Variants in GMPR observed in about 807,000 individuals in gnomAD.
GMPR encodes GMP reductase 1.
GMPR carries 31 observed loss-of-function variants against 38.4 expected under a neutral mutation model. The observed-to-expected ratio is 0.81, with a 90% CI of 0.61 to 1.09. GMPR has a LOEUF of 1.09. Ranked by LOEUF, GMPR falls within the 50% of genes least tolerant of loss-of-function variation. The pLI is 0.00. For synonymous variants in GMPR, 162 were observed against 173.3 expected, an observed-to-expected ratio of 0.93 and a Z score of 0.51; for missense variants, 468 against 453.7, an observed-to-expected ratio of 1.03 and a Z score of -0.29.
rs564026252 is a variant in GMPR, at chr6:16,290,565, C to A, written c.801C>A (p.Tyr267Ter). ...ACGGACGGAAGCTCAAGCTCTTCTA[C>A]GGGATGAGCTCTGACACCGCCATGA... ...ERNGRKLKLF[Y>*]GMSSDTAMNK... Residue 267 changes from tyrosine to a stop codon, truncating the protein, a stop_gained, in exon 8 of 9, where the codon TAC becomes TAA. Transcript: ENST00000259727. LOFTEE classifies it high-confidence loss of function. 1.2e-6 allele frequency: 2 copies of A among 1,613,798 alleles called. No homozygotes were observed. The highest frequency in any genetic ancestry group is 1.7e-6 in the Non-Finnish European group (2 of 1,179,828).
chr6:16,259,768 G>A (rs1193425504), intron 4 of GMPR, among the ~76,000 whole-genome samples: 1 of 152,154 alleles, frequency 6.6e-6, no homozygotes, highest in Non-Finnish European at 1.5e-5. Flanking sequence ...GAGGACCTAG[G>A]ACATCTAATT....
intron 7 of GMPR, among the ~76,000 whole-genome samples, chr6:16,286,397 C>T (rs1269452091): frequency 6.6e-6 from 1 of 151,770 alleles, no homozygotes; most frequent in Non-Finnish European, 1.5e-5. Context: ...GTACGGCTGC[C>T]GAGCCATGTG....
chr6:16,292,358 GACTT>G (rs750240333), intron 8 of GMPR, among the ~76,000 whole-genome samples: 4 of 152,120 alleles, frequency 2.6e-5, no homozygotes, highest in East Asian at 1.9e-4. Context: ...GGTTCTAGCG[GACTT>G]ACTTCAGTTC....
intron 3 of GMPR, among the ~76,000 whole-genome samples, chr6:16,252,523 C>T (rs1165949617): frequency 6.6e-6 from 1 of 152,194 alleles, no homozygotes; most frequent in Admixed American, 6.5e-5. Context: ...TAGGCATGAG[C>T]CACCATGCCC....
At chr6:16,256,832 C>T (rs778420351) in intron 4 of GMPR, among the ~76,000 whole-genome samples, 13 of 152,180 alleles carry the variant, frequency 8.5e-5, no homozygotes, top group Non-Finnish European at 1.6e-4. Context: ...GCTTCTAGAA[C>T]CTTTGTAATT....
At chr6:16,291,628 G>A (rs1392891556) in intron 8 of GMPR, among the ~76,000 whole-genome samples, 1 of 152,106 alleles carries the variant, frequency 6.6e-6, no homozygotes, top group African/African-American at 2.4e-5. Context: ...CCTGATGATG[G>A]GGCCAGGCAC....
intron 6 of GMPR, among the ~76,000 whole-genome samples, chr6:16,282,924 T>G (rs748767582): frequency 9.9e-5 from 15 of 152,058 alleles, no homozygotes; most frequent in Non-Finnish European, 1.9e-4. Flanking sequence ...TAGTCCTGCC[T>G]CAGCCTCCCG....
At chr6:16,266,222 G>A (rs955418021) in intron 4 of GMPR, among the ~76,000 whole-genome samples, 2 of 150,548 alleles carry the variant, frequency 1.3e-5, no homozygotes, top group Non-Finnish European at 3.0e-5. Flanking sequence ...GAAGAATGAA[G>A]AACGCCGCGC....
At chr6:16,244,043 A>G (rs1758708958) in intron 1 of GMPR, among the ~76,000 whole-genome samples, 1 of 151,040 alleles carries the variant, frequency 6.6e-6, no homozygotes, top group South Asian at 2.1e-4. Flanking sequence ...ACTGGGGGCC[A>G]GGGCCGGCTC....
intron 5 of GMPR, among the ~76,000 whole-genome samples, 168 bp downstream of exon 5, chr6:16,274,664 GA>G (rs774480087): frequency 1.4e-4 from 21 of 152,132 alleles, no homozygotes; most frequent in Non-Finnish European, 2.1e-4. Context: ...AGCCCCTGAT[GA>G]AAAGTATTGT....
chr6:16,266,826 CTG>C (rs1309281444), intron 4 of GMPR, among the ~76,000 whole-genome samples: 1 of 151,842 alleles, frequency 6.6e-6, no homozygotes, highest in Non-Finnish European at 1.5e-5. Context: ...GTAACACTCA[CTG>C]TGAAGGTCGT....
At chr6:16,251,591 C>T (rs1342751733) in intron 3 of GMPR, among the ~76,000 whole-genome samples, 2 of 152,016 alleles carry the variant, frequency 1.3e-5, no homozygotes, top group African/African-American at 4.8e-5. Flanking sequence ...AGGCCACACG[C>T]AAAGGCCAGA....
At chr6:16,292,302 T>C (rs535038432) in intron 8 of GMPR, among the ~76,000 whole-genome samples, 2 of 151,556 alleles carry the variant, frequency 1.3e-5, no homozygotes, top group Admixed American at 6.6e-5. Flanking sequence ...GGTGGGGGGA[T>C]TGGGGGGAGT....
At chr6:16,258,683 A>C (rs1206797733) in intron 4 of GMPR, among the ~76,000 whole-genome samples, 1 of 152,220 alleles carries the variant, frequency 6.6e-6, no homozygotes, top group Non-Finnish European at 1.5e-5. Flanking sequence ...CTGTGCCTGC[A>C]TTGACCCTTG....
At chr6:16,275,099 G>A (rs1759450474) in intron 5 of GMPR, among the ~76,000 whole-genome samples, 1 of 152,124 alleles carries the variant, frequency 6.6e-6, no homozygotes, top group Non-Finnish European at 1.5e-5. Flanking sequence ...GTCATGGGTG[G>A]CGCCATTTTC....
intron 7 of GMPR, chr6:16,289,508 A>G (rs1448439816): frequency 6.6e-6 from 1 of 152,200 alleles, no homozygotes; most frequent in Non-Finnish European, 1.5e-5. Flanking sequence ...ATAGCCCACA[A>G]AGACAGGCAG....
chr6:16,288,996 C>T (rs1271256625), intron 7 of GMPR, among the ~76,000 whole-genome samples: 1 of 152,154 alleles, frequency 6.6e-6, no homozygotes, highest in Admixed American at 6.5e-5. Context: ...ATGGGTGGGG[C>T]CAGATAAGAG....
chr6:16,244,116 G>T (rs182854385), intron 1 of GMPR, among the ~76,000 whole-genome samples: 1 of 151,814 alleles, frequency 6.6e-6, no homozygotes, highest in African/African-American at 2.4e-5. Context: ...TTTTTTCAGG[G>T]TAGGAGGTTA....
At chr6:16,272,238 C>T (rs981675204) in intron 4 of GMPR, among the ~76,000 whole-genome samples, 1 of 152,056 alleles carries the variant, frequency 6.6e-6, no homozygotes, top group African/African-American at 2.4e-5. Context: ...ACAAAAAAAA[C>T]ACTCTTAAAA....
Sources: gnomAD v4.1 joint callset for allele counts (sites outside exome capture counted in the v4.1 genomes callset) on GRCh38, gnomAD v4.1.1 for gene constraint, MANE v1.5 for transcripts, NCBI Gene and HGNC (gene_info 2026-07-23, HGNC 2026-07-21) for gene names.